The following TECR variants were observed in gnomAD, a reference collection of about 807,000 sequenced individuals.
TECR encodes the protein trans-2,3-enoyl-CoA reductase, also known as very-long-chain enoyl-CoA reductase.
TECR carries 19 observed loss-of-function variants against 50.6 expected under a neutral mutation model. The ratio of observed to expected loss-of-function variants is 0.38; its 90% CI spans 0.26 to 0.55. TECR has a LOEUF of 0.55. Among genes scored for constraint, TECR ranks in the 20% least tolerant of loss-of-function variants. The probability of loss-of-function intolerance (pLI) is 0.79; values close to 1 mark genes in which losing one functional copy is unlikely to be tolerated. For missense variants in TECR, 313 were observed against 408.3 expected (o/e 0.77, Z 2.01); for synonymous variants, 168 against 163.5 (o/e 1.03, Z -0.21).
chr19:14,543,419 ATTTTTTTTTTTTTTTT>A (rs1169742953), intron 1 of TECR, among the ~76,000 whole-genome samples: 51 of 21,820 alleles, frequency 2.3e-3, no homozygotes, highest in South Asian at 0.017. Context: ...ATATATATAT[ATTTTTTTTTTTTTTTT>A]TTTTTTTTTT....
At chr19:14,529,735 G>A in intron 1 of TECR, 24 bp downstream of exon 1, 39 of 1,613,980 alleles carry the variant, frequency 2.4e-5, no homozygotes, top group Non-Finnish European at 3.2e-5. Context: ...AACAGGGGCC[G>A]TGTGGCCACT....
At position 14,538,262 on chromosome 19, in the gene TECR, G is replaced by A. The variant is rs1410366557; in HGVS notation, c.15+8551G>A. On this transcript the variant is annotated intron_variant, in intron 1 of 12. Coordinates refer to ENST00000215567, the MANE Select transcript of TECR (RefSeq NM_138501.6). The stretch of plus-strand genomic sequence containing the variant: ...GGGAAAGAATCAAGTGTGTGGTGGT[G>A]GTGAAGGACTTGGAGGCCACCCACT... 2.0e-5 allele frequency among the ~76,000 whole-genome samples: 3 copies of A among 152,218 alleles called. No homozygotes were observed. In the East Asian group the frequency reaches 5.8e-4, roughly 29 times the overall value.
chr19:14,565,162 G>A lies in TECR; in HGVS notation c.664+39G>A, dbSNP rs779296812. On this transcript the variant is annotated intron_variant, in intron 10 of 12. Transcript: ENST00000215567. Reference sequence around the variant, plus strand: ...GGGGGCAGGGGGACAGCTGGGCTGGGTGAGGGGGTCTGACTTTCTCCTTCT... The same window carrying A: ...GGGGGCAGGGGGACAGCTGGGCTGGATGAGGGGGTCTGACTTTCTCCTTCT... 51 of 1,613,718 alleles carry A rather than the reference G, an allele frequency of 3.2e-5. No individual in the cohort carries two copies. In the South Asian group the frequency reaches 5.6e-4, roughly 18 times the overall value.
intron 1 of TECR, chr19:14,545,774 A>T (rs2073286679): frequency 6.5e-6 from 1 of 153,656 alleles, no homozygotes; most frequent in Non-Finnish European, 1.4e-5. Flanking sequence ...CCGTGTGACA[A>T]GTACATCCCT....
At chr19:14,561,060 G>A (rs771184954) in intron 1 of TECR, among the ~76,000 whole-genome samples, 12 of 152,142 alleles carry the variant, frequency 7.9e-5, no homozygotes, top group African/African-American at 2.9e-4. Context: ...AGGCCACCAA[G>A]CCCCCTTGTC....
chr19:14,565,136 TG>T lies in TECR; in HGVS notation c.664+18del. 1.2e-6 allele frequency: 2 copies of T among 1,613,740 alleles called. No homozygotes were observed. The highest frequency in any genetic ancestry group is 1.7e-5 in the Admixed American group (1 of 60,026). On this transcript the variant is annotated intron_variant, in intron 10 of 12. Coordinates refer to ENST00000215567, the MANE Select transcript of TECR (RefSeq NM_138501.6). ...CTGCGGCCCGCTGGTGAGTGCCTGCTGGGGGCAGGGGGACAGCTGGGCTGGG... is the reference window on the plus strand; with the variant it reads ...CTGCGGCCCGCTGGTGAGTGCCTGCTGGGGCAGGGGGACAGCTGGGCTGGG...
intron 1 of TECR, among the ~76,000 whole-genome samples, chr19:14,541,783 A>ATT (rs113623037): frequency 4.5e-5 from 6 of 134,448 alleles, no homozygotes; most frequent in South Asian, 2.4e-4. Context: ...ACTTCTTTTC[A>ATT]TTTTTTTTTT....
At chr19:14,552,959 G>A (rs2073587756) in intron 1 of TECR, among the ~76,000 whole-genome samples, 1 of 152,108 alleles carries the variant, frequency 6.6e-6, no homozygotes, top group South Asian at 2.1e-4. Context: ...CGTCGCTCTG[G>A]GTGGGCCAGT....
chr19:14,560,911 A>C lies in TECR; in HGVS notation c.16-1614A>C, dbSNP rs549464481. Among the ~76,000 whole-genome samples the C allele has an allele frequency of 1.8e-3, 277 of 152,256 alleles. 1 individual carries two copies. The highest frequency in any genetic ancestry group is 6.3e-3 in the African/African-American group (262 of 41,558). On this transcript the variant is annotated intron_variant, in intron 1 of 12. Coordinates refer to ENST00000215567, the MANE Select transcript of TECR (RefSeq NM_138501.6). ...TGTCAGGGGTCACCTAGTGTACCCC[A>C]TGCATTGTCTCAGGGGACCGTCACA...
At chr19:14,565,389 C>T in intron 11 of TECR, 99 bp downstream of exon 11, 1 of 1,479,136 alleles carries the variant, frequency 6.8e-7, no homozygotes. Context: ...GCTGCTTTTG[C>T]CGCCTGCACT....
intron 11 of TECR, 24 bp from the exon 12 acceptor site, chr19:14,565,594 C>G: frequency 6.2e-7 from 1 of 1,606,138 alleles, no homozygotes; most frequent in Non-Finnish European, 8.5e-7. Context: ...GCTGCCCACG[C>G]TCACTCTCCG....
At chr19:14,543,574 G>A (rs2073200926) in intron 1 of TECR, among the ~76,000 whole-genome samples, 1 of 146,608 alleles carries the variant, frequency 6.8e-6, no homozygotes, top group African/African-American at 2.5e-5. Flanking sequence ...GAGTAGCTGG[G>A]ACTACAGGCG....
chr19:14,549,788 C>T (rs577570932), intron 1 of TECR, among the ~76,000 whole-genome samples: 1 of 151,822 alleles, frequency 6.6e-6, no homozygotes, highest in African/African-American at 2.4e-5. Context: ...ACTAAAAATA[C>T]AAAAATTAGC....
At chr19:14,543,452 T>G (rs2073196026) in intron 1 of TECR, among the ~76,000 whole-genome samples, 1 of 63,870 alleles carries the variant, frequency 1.6e-5, no homozygotes, top group Non-Finnish European at 3.0e-5. Flanking sequence ...TTTTTTTTTT[T>G]TTTTGAGACG....
chr19:14,553,063 G>T (rs1194859982), intron 1 of TECR, among the ~76,000 whole-genome samples: 2 of 152,060 alleles, frequency 1.3e-5, no homozygotes, highest in East Asian at 1.9e-4. Context: ...TGAGACCCAG[G>T]TTCTCCAACT....
upstream of TECR, chr19:14,527,775 A>G (rs1485977856): frequency 2.0e-5 from 3 of 152,246 alleles, no homozygotes; most frequent in Non-Finnish European, 4.4e-5. Flanking sequence ...TGAATTCCAG[A>G]TGGTTCAACA....
intron 1 of TECR, among the ~76,000 whole-genome samples, chr19:14,561,203 G>T (rs1160028081): frequency 1.3e-5 from 2 of 152,146 alleles, no homozygotes; most frequent in African/African-American, 4.8e-5. Context: ...GGCCTGCCCT[G>T]GGATGGCCCC....
intron 1 of TECR, among the ~76,000 whole-genome samples, chr19:14,549,211 C>CTTTTTTT (rs561284094): frequency 5.2e-4 from 58 of 111,154 alleles, no homozygotes; most frequent in African/African-American, 1.1e-3. Context: ...TTTAATTGGA[C>CTTTTTTT]TTTTTTTTTT....
chr19:14,537,225 G>T (rs1164706587), intron 1 of TECR, among the ~76,000 whole-genome samples: 1 of 133,132 alleles, frequency 7.5e-6, no homozygotes, highest in African/African-American at 2.9e-5. Flanking sequence ...GGAGGAGGCG[G>T]GGCAAGAAGG....
Sources: gnomAD v4.1 joint callset for allele counts (sites outside exome capture counted in the v4.1 genomes callset) on GRCh38, gnomAD v4.1.1 for gene constraint, MANE v1.5 for transcripts, NCBI Gene and HGNC (gene_info 2026-07-23, HGNC 2026-07-21) for gene names.